The following CDH2 variants were observed in gnomAD, a reference collection of about 807,000 sequenced individuals.
CDH2 encodes cadherin-2.
In CDH2, 17 loss-of-function variants were observed where a neutral mutation model predicts 92.0. The ratio of observed to expected loss-of-function variants is 0.18; its 90% CI spans 0.13 to 0.28. The LOEUF (loss-of-function observed/expected upper bound fraction) is 0.28, where lower values mean the gene tolerates loss of function less well. Among genes scored for constraint, CDH2 ranks in the 10% least tolerant of loss-of-function variants. The probability of loss-of-function intolerance (pLI) is 1.00; values close to 1 mark genes in which losing one functional copy is unlikely to be tolerated. For missense variants in CDH2, 862 were observed against 1,133.1 expected, an observed-to-expected ratio of 0.76 and a Z score of 3.44; for synonymous variants, 419 against 415.9, an observed-to-expected ratio of 1.01 and a Z score of -0.09.
At chr18:28,081,995 T>C (rs1394275341) in intron 2 of CDH2, among the ~76,000 whole-genome samples, 1 of 152,192 alleles carries the variant, frequency 6.6e-6, no homozygotes, top group Non-Finnish European at 1.5e-5. Flanking sequence ...TCAAGTCACA[T>C]AATAAGTCCA....
intron 14 of CDH2, among the ~76,000 whole-genome samples, chr18:27,968,282 C>T (rs544382619): frequency 6.6e-6 from 1 of 152,118 alleles, no homozygotes; most frequent in East Asian, 1.9e-4. Flanking sequence ...CACTTAAGCA[C>T]GTCAAAAGAT....
At position 27,996,137 on chromosome 18, in the gene CDH2, C is replaced by T. The variant is rs528116594; in HGVS notation, c.1021-2500G>A. On this transcript the variant is annotated intron_variant, in intron 7 of 15. Coordinates refer to ENST00000269141, the MANE Select transcript of CDH2 (RefSeq NM_001792.5). ...TGTCAATCCTTCCCTCTCCGAAACT[C>T]GCCTATTTTACAAAAGTGATTCCTC... 3.3e-5 allele frequency among the ~76,000 whole-genome samples: 5 copies of T among 152,230 alleles called. No individual in the cohort carries two copies. In the South Asian group the frequency reaches 8.3e-4, roughly 25 times the overall value.
rs555283488 is a variant in CDH2, at chr18:28,104,937, A to T, written c.172+42736T>A. Among the ~76,000 whole-genome samples the T allele has an allele frequency of 1.2e-4, 19 of 152,166 alleles. No homozygotes were observed. In the South Asian group the frequency reaches 3.9e-3, roughly 32 times the overall value. On this transcript the variant is annotated intron_variant, in intron 2 of 15. Transcript: ENST00000269141. ...GAAATACATGTAAAATATATGTAAA[A>T]GTTCACTCCTGTCTAGCTTGATACC...
intron 2 of CDH2, among the ~76,000 whole-genome samples, chr18:28,043,890 A>AGTTTTTTTTTTTTT (rs2014013411): frequency 1.1e-5 from 1 of 91,454 alleles, no homozygotes; most frequent in African/African-American, 3.9e-5. Context: ...AGAATCTCGG[A>AGTTTTTTTTTTTTT]TTTTTTTTTT....
At chr18:28,143,413 T>C (rs976689143) in intron 2 of CDH2, among the ~76,000 whole-genome samples, 2 of 151,950 alleles carry the variant, frequency 1.3e-5, no homozygotes, top group East Asian at 1.9e-4. Flanking sequence ...TCCTAGTCAG[T>C]GGAGTGTTAA....
chr18:28,094,945 G>T (rs1225477096), intron 2 of CDH2, among the ~76,000 whole-genome samples: 1 of 152,144 alleles, frequency 6.6e-6, no homozygotes, highest in African/African-American at 2.4e-5. Flanking sequence ...GGAAATAAAT[G>T]TTAAAGAATT....
At chr18:27,984,716 A>G (rs2012167605) in intron 13 of CDH2, among the ~76,000 whole-genome samples, 1 of 152,220 alleles carries the variant, frequency 6.6e-6, no homozygotes, top group Non-Finnish European at 1.5e-5. Flanking sequence ...TTTTCTATGA[A>G]AAGCGTTTAC....
intron 15 of CDH2, among the ~76,000 whole-genome samples, chr18:27,955,577 G>T (rs1028391702): frequency 6.6e-6 from 1 of 151,796 alleles, no homozygotes; most frequent in African/African-American, 2.4e-5. Context: ...ACGGACCCCA[G>T]GACTCTTCAT....
chr18:27,960,529 T>C (rs958028112), intron 15 of CDH2, among the ~76,000 whole-genome samples: 23 of 152,210 alleles, frequency 1.5e-4, no homozygotes, highest in Non-Finnish European at 2.4e-4. Context: ...AATGGCCTCC[T>C]ATGCCTGGCA....
At chr18:28,086,483 C>T (rs1175246160) in intron 2 of CDH2, among the ~76,000 whole-genome samples, 5 of 151,980 alleles carry the variant, frequency 3.3e-5, no homozygotes, top group Non-Finnish European at 7.4e-5. Context: ...AGACTGTGTA[C>T]CTAACAAAAA....
chr18:28,147,225 T>C lies in CDH2; in HGVS notation c.172+448A>G, dbSNP rs1293226398. Among the ~76,000 whole-genome samples the C allele has an allele frequency of 3.3e-5, 5 of 152,212 alleles. No homozygotes were observed. In the South Asian group the frequency reaches 6.2e-4, roughly 19 times the overall value. On this transcript the variant is annotated intron_variant, in intron 2 of 15. Coordinates refer to ENST00000269141, the MANE Select transcript of CDH2 (RefSeq NM_001792.5). ...GACTTTACATGTTAAATTCATTCAA[T>C]GTAATTCAGCTATATATTAAAGCTT...
chr18:27,983,075 G>A lies in CDH2; in HGVS notation c.2218C>T (p.Leu740=). The A allele has an allele frequency of 6.2e-7, 1 of 1,608,316 alleles. No homozygotes were observed. The highest frequency in any genetic ancestry group is 8.5e-7 in the Non-Finnish European group (1 of 1,177,674). ...LCIIILLILV[L]MFVVWMKRRD... is the part of the protein sequence containing the mutation. ...CGTTTCATCCATACCACAAACATCA[G>A]CACAAGGACTAGGTAGAAAAATAGT... Residue 740 remains leucine (L), a synonymous_variant, in exon 14 of 16, where the codon CTG becomes TTG. Transcript: ENST00000269141.
intron 6 of CDH2, among the ~76,000 whole-genome samples, chr18:27,938,065 A>G (rs1909058517): frequency 6.6e-6 from 1 of 151,882 alleles, no homozygotes; most frequent in African/African-American, 2.4e-5. Flanking sequence ...TGTCCTCGCG[A>G]TAGTGAGTTC....
chr18:28,157,232 A>G (rs2016233818), intron 1 of CDH2, among the ~76,000 whole-genome samples: 1 of 152,214 alleles, frequency 6.6e-6, no homozygotes, highest in Non-Finnish European at 1.5e-5. Flanking sequence ...CTCAGCAGAG[A>G]CTGCAACACG....
rs1411571099 is a variant in CDH2, at chr18:28,154,347, C to CT, written c.61-6564_61-6563insA. 3.0e-4 allele frequency among the ~76,000 whole-genome samples: 46 copies of CT among 152,348 alleles called. 1 individual carries two copies. The South Asian group carries it at 6.2e-3, about 21-fold the overall frequency. On this transcript the variant is annotated intron_variant, in intron 1 of 15. Coordinates refer to ENST00000269141, the MANE Select transcript of CDH2 (RefSeq NM_001792.5). The stretch of plus-strand genomic sequence containing the variant: ...TCAACAAGCCCTCTCGGCCCACCAG[C>CT]GTGAAATTCACGCTGGTCAGAGGAT...
intron 2 of CDH2, among the ~76,000 whole-genome samples, chr18:28,038,561 T>C (rs11564308): frequency 0.17 from 25,494 of 151,854 alleles, 2,417 homozygotes; most frequent in East Asian, 0.29. Flanking sequence ...AGTTCAATTA[T>C]AGGAACCAAT....
At chr18:28,030,664 G>A (rs976877914) in intron 2 of CDH2, among the ~76,000 whole-genome samples, 2 of 152,076 alleles carry the variant, frequency 1.3e-5, no homozygotes, top group Admixed American at 6.6e-5. Context: ...AGCTGGTACA[G>A]CAGCTAGGAT....
chr18:28,149,698 A>AT (rs2016091379), intron 1 of CDH2, among the ~76,000 whole-genome samples: 1 of 152,214 alleles, frequency 6.6e-6, no homozygotes, highest in Non-Finnish European at 1.5e-5. Flanking sequence ...GATAGTGGTT[A>AT]CCCCAGGGGA....
chr18:28,061,073 T>G (rs2014393794), intron 2 of CDH2, among the ~76,000 whole-genome samples: 1 of 152,164 alleles, frequency 6.6e-6, no homozygotes. Flanking sequence ...TCAATGTATA[T>G]CCCACTAAGG....
Sources: allele counts gnomAD v4.1 joint callset (sites outside exome capture counted in the v4.1 genomes callset), GRCh38; gene constraint gnomAD v4.1.1; transcripts MANE v1.5; gene names NCBI Gene and HGNC (gene_info 2026-07-23, HGNC 2026-07-21).